PTPRU: variants seen among roughly 807,000 people sequenced by gnomAD.
PTPRU encodes the protein receptor-type tyrosine-protein phosphatase U.
A neutral mutation model predicts 166.3 loss-of-function variants in PTPRU; 69 were observed. The observed-to-expected ratio is 0.41, with a 90% CI of 0.34 to 0.51. PTPRU has a LOEUF of 0.51. PTPRU is among the 20% of genes least tolerant of loss of function. The pLI, the probability that PTPRU is intolerant of heterozygous loss-of-function variation, is 0.09. For synonymous variants in PTPRU, 793 were observed against 814.0 expected, an observed-to-expected ratio of 0.97 and a Z score of 0.44; for missense variants, 1,657 against 2,013.7, an observed-to-expected ratio of 0.82 and a Z score of 3.39.
intron 1 of PTPRU, among the ~76,000 whole-genome samples, chr1:29,249,379 G>A (rs1367260217): frequency 6.6e-6 from 1 of 152,262 alleles, no homozygotes; most frequent in Non-Finnish European, 1.5e-5. Context: ...GCAACCGCCT[G>A]CCAGACTGGG....
At chr1:29,274,040 G>A (rs1230951100) in intron 7 of PTPRU, among the ~76,000 whole-genome samples, 2 of 151,530 alleles carry the variant, frequency 1.3e-5, no homozygotes, top group Non-Finnish European at 2.9e-5. Context: ...AGCATTTTTT[G>A]TTTTTTTTGG....
chr1:29,304,879 G>C, intron 17 of PTPRU, 30 bp downstream of exon 17: 1 of 1,578,014 alleles, frequency 6.3e-7, no homozygotes, highest in South Asian at 1.1e-5. Context: ...CTGGGGTCCA[G>C]GGCAGTGGGT....
Position 29,236,533 on chromosome 1 carries a change from G to GGACT in PTPRU, c.-112_-111insGACT. 1 of 836,558 alleles carries GGACT rather than the reference G, an allele frequency of 1.2e-6. No homozygotes were observed. Among genetic ancestry groups the GGACT allele is most frequent in the Non-Finnish European group, 1.5e-6 (1 of 664,360 alleles). 51.8% of individuals were successfully genotyped at this position (836,558 alleles called of 1,614,324 possible). On this transcript the variant is annotated 5_prime_UTR_variant, in exon 1 of 30. Transcript: ENST00000373779. This position sits in a 1 kb window ranked among gnomAD's most constrained non-coding sequence, Gnocchi z 4.6. ...CTGGACTCGGCGCCAGTCCCGCTCC[G>GGACT]CGCCGCGCCGCTCCGCTCCGGCTCG...
intron 18 of PTPRU, chr1:29,307,166 T>TCTCCTC: frequency 6.2e-7 from 1 of 1,610,362 alleles, no homozygotes; most frequent in East Asian, 2.2e-5. Flanking sequence ...TCTCTCCCCT[T>TCTCCTC]CTCCTCCTCC....
At chr1:29,267,892 A>G (rs914353711) in intron 7 of PTPRU, among the ~76,000 whole-genome samples, 5 of 152,190 alleles carry the variant, frequency 3.3e-5, no homozygotes, top group Non-Finnish European at 5.9e-5. Flanking sequence ...GATGGCTGGG[A>G]GCCGAGTGGA....
chr1:29,241,861 G>A (rs565995325), intron 1 of PTPRU, among the ~76,000 whole-genome samples: 1 of 149,096 alleles, frequency 6.7e-6, no homozygotes. Flanking sequence ...CCAAAGTGCT[G>A]AGATTACAGG....
chr1:29,274,472 C>G (rs1685707224), intron 7 of PTPRU, among the ~76,000 whole-genome samples: 1 of 152,138 alleles, frequency 6.6e-6, no homozygotes, highest in South Asian at 2.1e-4. Flanking sequence ...AGCCAGGGAA[C>G]CCACCACTGA....
At position 29,315,545 on chromosome 1, in the gene PTPRU, C is replaced by T; in HGVS notation, c.3363+38C>T. On this transcript the variant is annotated intron_variant, in intron 23 of 29. Transcript: ENST00000373779. This position sits in a 1 kb window ranked among gnomAD's most constrained non-coding sequence, Gnocchi z 4.5. ...GGCCCTGTCCCCACCATTATTACTT[C>T]TAGGACTGGAGTTTCTCGTGAAGGA... is the stretch of plus-strand genomic sequence containing the variant. The T allele has an allele frequency of 6.2e-7, 1 of 1,612,924 alleles. No homozygotes were observed. Among genetic ancestry groups the T allele is most frequent in the East Asian group, 2.2e-5 (1 of 44,856 alleles).
In PTPRU at chr1:29,257,345, C is replaced by T. The variant is rs1007041303; in HGVS notation, c.206-1160C>T. Among the ~76,000 whole-genome samples the T allele has an allele frequency of 6.6e-5, 10 of 152,228 alleles. No homozygotes were observed. The highest frequency in any genetic ancestry group is 2.4e-4 in the African/African-American group (10 of 41,530). The stretch of plus-strand genomic sequence containing the variant: ...CTGGGACTGATCCAGGAGCCGCCTC[C>T]ATAGGGCTTCTAGCTTACAGAGATG... On this transcript the variant is annotated intron_variant, in intron 2 of 29. Coordinates refer to ENST00000373779, the MANE Select transcript of PTPRU (RefSeq NM_133178.4). This position sits in a 1 kb window ranked among gnomAD's most constrained non-coding sequence, Gnocchi z 4.6.
intron 28 of PTPRU, 70 bp downstream of exon 28, chr1:29,323,858 G>A (rs1444483941): frequency 3.9e-6 from 6 of 1,553,250 alleles, no homozygotes; most frequent in South Asian, 1.2e-5. Flanking sequence ...CAGTCTGAAA[G>A]GGTGCCAGCT....
intron 5 of PTPRU, 53 bp from the exon 6 acceptor site, chr1:29,259,817 T>C: frequency 6.8e-7 from 1 of 1,478,480 alleles, no homozygotes; most frequent in South Asian, 1.3e-5. Context: ...CAGAGCGAGA[T>C]CGGGACCCCT....
At chr1:29,307,225 G>T (rs374676437) in intron 18 of PTPRU, 81 of 1,514,760 alleles carry the variant, frequency 5.3e-5, no homozygotes, top group Non-Finnish European at 6.9e-5. Flanking sequence ...ACTCTCTCAC[G>T]GTCTCTGGCT....
intron 2 of PTPRU, among the ~76,000 whole-genome samples, chr1:29,256,232 C>A (rs1574615898): frequency 6.6e-6 from 1 of 152,062 alleles, no homozygotes; most frequent in African/African-American, 2.4e-5. Context: ...TCTTTGGGGG[C>A]CCTGATTACT....
intron 1 of PTPRU, among the ~76,000 whole-genome samples, chr1:29,249,457 G>A (rs1005518755): frequency 2.6e-5 from 4 of 152,262 alleles, no homozygotes; most frequent in Non-Finnish European, 4.4e-5. Context: ...GGGGTCTTGG[G>A]TTGATTCAAT....
rs1268429739 is a variant in PTPRU at position 29,237,901 on chromosome 1, G to C, written c.73+1184G>C. ...CCGGGCGGGGGCTGTCCCCGGGCTG[G>C]GCTGCGACGTCCGGGCGCGGGCAGG... On this transcript the variant is annotated intron_variant, in intron 1 of 29. Transcript: ENST00000373779. The surrounding 1 kb of genome is among the most constrained non-coding windows in gnomAD (Gnocchi z 6.4). Among the ~76,000 whole-genome samples the C allele has an allele frequency of 6.8e-6, 1 of 148,032 alleles. No individual in the cohort carries two copies. Among genetic ancestry groups the C allele is most frequent in the Non-Finnish European group, 1.5e-5 (1 of 66,664 alleles).
chr1:29,310,851 C>T (rs1394616311), intron 19 of PTPRU, 71 bp downstream of exon 19: 3 of 1,525,018 alleles, frequency 2.0e-6, no homozygotes, highest in Non-Finnish European at 2.7e-6. Context: ...CTCAGCTTGC[C>T]TTTCTGCCTC....
At chr1:29,293,202 T>C (rs1472030141) in intron 15 of PTPRU, among the ~76,000 whole-genome samples, 1 of 152,190 alleles carries the variant, frequency 6.6e-6, no homozygotes, top group Non-Finnish European at 1.5e-5. Context: ...GGTCTTGAAC[T>C]CCTGACCTTA....
intron 15 of PTPRU, among the ~76,000 whole-genome samples, chr1:29,303,006 C>G (rs1441855032): frequency 1.3e-5 from 2 of 152,210 alleles, no homozygotes; most frequent in African/African-American, 4.8e-5. Context: ...GGAGTAGGCT[C>G]TACTATCTGA....
rs549319885 is a variant in PTPRU, at chr1:29,280,400, C to T, written c.1868+259C>T. Among the ~76,000 whole-genome samples the T allele has an allele frequency of 2.3e-4, 35 of 152,286 alleles. No homozygotes were observed. The highest frequency in any genetic ancestry group is 7.0e-4 in the African/African-American group (29 of 41,562). On this transcript the variant is annotated intron_variant, in intron 11 of 29. Transcript: ENST00000373779. This position sits in a 1 kb window ranked among gnomAD's most constrained non-coding sequence, Gnocchi z 4.2. ...GGTCCAGCCTGGAGAGGGGACTGTC[C>T]AGGCCTGTCCAGGGGGCCTTTCCTC...
Sources: gnomAD v4.1 joint callset for allele counts (sites outside exome capture counted in the v4.1 genomes callset) on GRCh38, gnomAD v4.1.1 for gene constraint, Gnocchi (gnomAD v3.1) non-coding constraint, MANE v1.5 for transcripts, NCBI Gene and HGNC (gene_info 2026-07-23, HGNC 2026-07-21) for gene names.